HTR2C: variants seen among roughly 807,000 people sequenced by gnomAD.
HTR2C encodes 5-hydroxytryptamine (serotonin) receptor 2C, G protein-coupled.
A neutral mutation model predicts 21.0 loss-of-function variants in HTR2C; 5 were observed. That is an observed-to-expected ratio of 0.24 (90% confidence interval 0.12 to 0.50). HTR2C has a LOEUF of 0.50. HTR2C is among the 20% of genes least tolerant of loss of function. HTR2C has a pLI of 0.98. For synonymous variants in HTR2C, 150 were observed against 145.3 expected, an observed-to-expected ratio of 1.03 and a Z score of -0.23; for missense variants, 271 against 371.2, an observed-to-expected ratio of 0.73 and a Z score of 2.22.
At chrX:114,682,333 T>C (rs1332792069) in intron 2 of HTR2C, among the ~76,000 whole-genome samples, 2 of 111,290 alleles carry the variant, frequency 1.8e-5, no homozygotes, top group Non-Finnish European at 3.8e-5. Context: ...CTGACAACAA[T>C]AACTTTTTAT....
chrX:114,865,813 A>T, intron 5 of HTR2C, among the ~76,000 whole-genome samples: 1 of 109,393 alleles, frequency 9.1e-6, no homozygotes, highest in Non-Finnish European at 1.9e-5. Flanking sequence ...TTTTTATTGT[A>T]TTTATTTATT....
intron 2 of HTR2C, among the ~76,000 whole-genome samples, chrX:114,671,682 A>C (rs192864356): frequency 8.9e-6 from 1 of 112,066 alleles, no homozygotes; most frequent in Admixed American, 9.5e-5. Flanking sequence ...AAATACTATA[A>C]AACTTGCAGA....
At chrX:114,819,836 C>A (rs2070616291) in intron 4 of HTR2C, among the ~76,000 whole-genome samples, 1 of 112,309 alleles carries the variant, frequency 8.9e-6, no homozygotes, top group African/African-American at 3.2e-5. Flanking sequence ...TGTTTAGCTG[C>A]TAGAGAAAAA....
At chrX:114,614,844 A>G (rs1556399683) in intron 2 of HTR2C, among the ~76,000 whole-genome samples, 1 of 111,838 alleles carries the variant, frequency 8.9e-6, no homozygotes, top group African/African-American at 3.3e-5. Flanking sequence ...AAGTTAAACA[A>G]GGTGAATTTA....
chrX:114,779,438 G>C (rs2070094176), intron 4 of HTR2C, among the ~76,000 whole-genome samples: 2 of 111,425 alleles, frequency 1.8e-5, no homozygotes, highest in Middle Eastern at 4.3e-3. Flanking sequence ...GTCTTTCAGA[G>C]TGTACCTGTT....
chrX:114,761,990 C>CACATATGTGTATATATACGTG (rs782126342), intron 4 of HTR2C, among the ~76,000 whole-genome samples: 3 of 9,921 alleles, frequency 3.0e-4, no homozygotes, highest in Admixed American at 1.8e-3. Flanking sequence ...TGTATATATA[C>CACATATGTGTATATATACGTG]TATATATACA....
intron 1 of HTR2C, among the ~76,000 whole-genome samples, chrX:114,611,581 C>A (rs1345913474): frequency 8.9e-6 from 1 of 112,442 alleles, no homozygotes; most frequent in Non-Finnish European, 1.9e-5. Flanking sequence ...TGTGTTCTTG[C>A]ATAGTCATTT....
intron 2 of HTR2C, among the ~76,000 whole-genome samples, chrX:114,654,755 A>G (rs1036084499): frequency 5.4e-5 from 6 of 110,351 alleles, no homozygotes; most frequent in Admixed American, 2.9e-4. Context: ...CTATAGCAAG[A>G]ATGAGCTCAG....
At chrX:114,836,942 A>G (rs1556464245) in intron 4 of HTR2C, among the ~76,000 whole-genome samples, 1 of 112,058 alleles carries the variant, frequency 8.9e-6, no homozygotes, top group Non-Finnish European at 1.9e-5. Context: ...ATAACACAGT[A>G]ATAAGTAACT....
chrX:114,760,922 G>A (rs1556432145), intron 4 of HTR2C, among the ~76,000 whole-genome samples: 1 of 111,450 alleles, frequency 9.0e-6, no homozygotes, highest in East Asian at 2.8e-4. Context: ...GAGGATGTGG[G>A]AGACATAGGT....
At chrX:114,698,133 G>A (rs186137977) in intron 2 of HTR2C, among the ~76,000 whole-genome samples, 3 of 112,161 alleles carry the variant, frequency 2.7e-5, no homozygotes, top group African/African-American at 9.7e-5. Flanking sequence ...CAAAGCCAGC[G>A]ACTGCATGTA....
chrX:114,830,608 T>G (rs12401155), intron 4 of HTR2C, among the ~76,000 whole-genome samples: 1 of 106,399 alleles, frequency 9.4e-6, no homozygotes, highest in Non-Finnish European at 1.9e-5. Context: ...TTATTTATTT[T>G]TTTTAGTTTC....
At chrX:114,767,192 T>C (rs1434334624) in intron 4 of HTR2C, among the ~76,000 whole-genome samples, 1 of 111,318 alleles carries the variant, frequency 9.0e-6, no homozygotes, top group Non-Finnish European at 1.9e-5. Context: ...TTTATGTAAT[T>C]GATAAGATCA....
intron 4 of HTR2C, among the ~76,000 whole-genome samples, chrX:114,771,466 G>A (rs1243182833): frequency 8.9e-6 from 1 of 111,750 alleles, no homozygotes; most frequent in Non-Finnish European, 1.9e-5. Flanking sequence ...GTTCCAAGGA[G>A]ATTTTTGTGG....
intron 1 of HTR2C, among the ~76,000 whole-genome samples, chrX:114,609,316 TAAG>T (rs782332941): frequency 9.8e-5 from 11 of 111,985 alleles, no homozygotes; most frequent in Admixed American, 4.8e-4. Flanking sequence ...CCTAATAAAA[TAAG>T]AAAATAGATC....
At chrX:114,686,517 C>A (rs911517995) in intron 2 of HTR2C, among the ~76,000 whole-genome samples, 4 of 110,571 alleles carry the variant, frequency 3.6e-5, no homozygotes, top group African/African-American at 1.3e-4. Flanking sequence ...TCAAGGTGGG[C>A]AAGGTTGTTA....
At chrX:114,824,020 T>C (rs1042816965) in intron 4 of HTR2C, among the ~76,000 whole-genome samples, 1 of 111,860 alleles carries the variant, frequency 8.9e-6, no homozygotes, top group African/African-American at 3.3e-5. Flanking sequence ...AATTAAAAAA[T>C]ATGTCTCAAA....
chrX:114,601,314 T>G (rs782185924), intron 1 of HTR2C, among the ~76,000 whole-genome samples: 1 of 111,043 alleles, frequency 9.0e-6, no homozygotes, highest in East Asian at 2.9e-4. Context: ...AGGCTTTGTG[T>G]GAGCAACATG....
At position 114,731,660 on chromosome X, in the gene HTR2C, T is replaced by A. The variant is rs1377829730; in HGVS notation, c.349+53T>A. 6.5e-6 allele frequency: 6 copies of A among 919,027 alleles called. No homozygotes were observed. In the East Asian group the frequency reaches 1.9e-4, roughly 29 times the overall value. The allele number at this position is 919,027 out of a possible 1,213,427, so 75.7% of individuals were successfully genotyped here. A position where few individuals can be genotyped will look rare whatever the true frequency, so the allele number is the denominator to read the frequency against. On this transcript the variant is annotated intron_variant, in intron 4 of 5. Coordinates refer to ENST00000276198, the MANE Select transcript of HTR2C (RefSeq NM_000868.4). ...TCTCGTATAATGTCATAAATTTGTGTCATAGTAAACACTCATAAAGTTAAT... is the reference window on the plus strand; with the variant it reads ...TCTCGTATAATGTCATAAATTTGTGACATAGTAAACACTCATAAAGTTAAT...
Sources: gnomAD v4.1 joint callset for allele counts (sites outside exome capture counted in the v4.1 genomes callset) on GRCh38, gnomAD v4.1.1 for gene constraint, MANE v1.5 for transcripts, NCBI Gene and HGNC (gene_info 2026-07-23, HGNC 2026-07-21) for gene names.